Variants in ATRNL1 observed in about 807,000 individuals in gnomAD.
ATRNL1 encodes the protein attractin-like protein 1.
In ATRNL1, 95 loss-of-function variants were observed where a neutral mutation model predicts 182.7. The observed-to-expected ratio is 0.52, with a 90% CI of 0.44 to 0.62. The LOEUF is 0.62. Ranked by LOEUF, ATRNL1 falls within the 20% of genes least tolerant of loss-of-function variation. The probability of loss-of-function intolerance (pLI) is 0.00; values close to 1 mark genes in which losing one functional copy is unlikely to be tolerated. For missense variants in ATRNL1, 1,471 were observed against 1,679.5 expected (o/e 0.88, Z 2.17); for synonymous variants, 576 against 568.3 (o/e 1.01, Z -0.19).
At chr10:115,657,733 T>A (rs1860416794) in intron 26 of ATRNL1, among the ~76,000 whole-genome samples, 1 of 152,086 alleles carries the variant, frequency 6.6e-6, no homozygotes, top group South Asian at 2.1e-4. Context: ...CCCAAGAAAT[T>A]TCCATTACAT....
intron 1 of ATRNL1, among the ~76,000 whole-genome samples, chr10:115,096,228 G>A (rs1301261899): frequency 2.6e-5 from 4 of 152,058 alleles, no homozygotes; most frequent in Non-Finnish European, 4.4e-5. Context: ...TTGGGTAAAT[G>A]CTTTTGCATT....
intron 19 of ATRNL1, among the ~76,000 whole-genome samples, chr10:115,383,518 T>A (rs1021539298): frequency 2.0e-5 from 3 of 151,908 alleles, no homozygotes; most frequent in Non-Finnish European, 4.4e-5. Flanking sequence ...TGCGTTTATG[T>A]TTGTAAGTTT....
At chr10:115,322,521 T>G (rs782350479) in intron 18 of ATRNL1, among the ~76,000 whole-genome samples, 1 of 151,972 alleles carries the variant, frequency 6.6e-6, no homozygotes, top group Non-Finnish European at 1.5e-5. Context: ...TCCTTAAAAA[T>G]ATCAGGTAAT....
intron 27 of ATRNL1, among the ~76,000 whole-genome samples, chr10:115,778,156 T>A (rs1360664154): frequency 1.3e-5 from 2 of 152,172 alleles, no homozygotes; most frequent in Non-Finnish European, 2.9e-5. Context: ...TTTCAAGAGA[T>A]GCTTATTTAT....
chr10:115,937,354 G>A (rs1326257865), intron 28 of ATRNL1, among the ~76,000 whole-genome samples: 5 of 152,206 alleles, frequency 3.3e-5, no homozygotes, highest in African/African-American at 1.2e-4. Flanking sequence ...TAGTAGGTGA[G>A]GGGAAATATC....
chr10:115,263,051 A>G (rs1851457806), intron 10 of ATRNL1, among the ~76,000 whole-genome samples: 1 of 151,836 alleles, frequency 6.6e-6, no homozygotes, highest in Non-Finnish European at 1.5e-5. Flanking sequence ...ATATACCAAC[A>G]TGACTTGTAA....
chr10:115,669,190 TAAACA>T (rs1945614337), intron 26 of ATRNL1, among the ~76,000 whole-genome samples: 1 of 152,146 alleles, frequency 6.6e-6, no homozygotes, highest in Non-Finnish European at 1.5e-5. Flanking sequence ...ACATTTATAC[TAAACA>T]AATTTAACAA....
chr10:115,458,604 TG>T (rs1847641771), intron 21 of ATRNL1, among the ~76,000 whole-genome samples: 1 of 152,084 alleles, frequency 6.6e-6, no homozygotes, highest in Non-Finnish European at 1.5e-5. Flanking sequence ...AGAATGTGGT[TG>T]GGCATATTTG....
At chr10:115,378,826 T>G (rs1472938724) in intron 19 of ATRNL1, among the ~76,000 whole-genome samples, 2 of 152,236 alleles carry the variant, frequency 1.3e-5, no homozygotes, top group African/African-American at 4.8e-5. Flanking sequence ...CTATTAAATT[T>G]CTTTAAGTAT....
chr10:115,745,777 A>G (rs782505558), intron 27 of ATRNL1, among the ~76,000 whole-genome samples: 2 of 152,092 alleles, frequency 1.3e-5, no homozygotes, highest in Non-Finnish European at 2.9e-5. Flanking sequence ...TTAATTTCCA[A>G]CATTGGTGGG....
chr10:115,464,582 T>A (rs1324904168), intron 22 of ATRNL1, among the ~76,000 whole-genome samples: 1 of 151,928 alleles, frequency 6.6e-6, no homozygotes, highest in African/African-American at 2.4e-5. Flanking sequence ...AATTCAGCAT[T>A]GCCTAAACTT....
intron 13 of ATRNL1, among the ~76,000 whole-genome samples, chr10:115,269,347 T>C (rs181194457): frequency 1.3e-5 from 2 of 152,126 alleles, no homozygotes; most frequent in Non-Finnish European, 2.9e-5. Context: ...TTTGTTTTGT[T>C]TTTTTGAGAC....
chr10:115,910,484 C>T (rs545661189), intron 28 of ATRNL1, among the ~76,000 whole-genome samples: 1 of 152,268 alleles, frequency 6.6e-6, no homozygotes, highest in East Asian at 1.9e-4. Flanking sequence ...AGCCACCCCC[C>T]ACCCTCCTTA....
At chr10:115,891,001 G>C (rs905812689) in intron 28 of ATRNL1, among the ~76,000 whole-genome samples, 4 of 152,150 alleles carry the variant, frequency 2.6e-5, no homozygotes, top group African/African-American at 7.2e-5. Context: ...CTCTTGTTTG[G>C]CTGTAAGGGT....
chr10:115,642,135 A>T (rs1859291836), intron 26 of ATRNL1, among the ~76,000 whole-genome samples: 1 of 152,170 alleles, frequency 6.6e-6, no homozygotes, highest in Admixed American at 6.6e-5. Context: ...TTTCAGACTC[A>T]ATGGTGTTAG....
intron 26 of ATRNL1, among the ~76,000 whole-genome samples, chr10:115,621,639 T>A (rs1182753584): frequency 6.6e-6 from 1 of 151,966 alleles, no homozygotes; most frequent in Non-Finnish European, 1.5e-5. Context: ...CTCATCAGTT[T>A]AAAAATGTGT....
At chr10:115,130,910 G>A (rs1288134048) in intron 5 of ATRNL1, among the ~76,000 whole-genome samples, 1 of 152,052 alleles carries the variant, frequency 6.6e-6, no homozygotes, top group African/African-American at 2.4e-5. Flanking sequence ...GAATACATTT[G>A]TATAACATTC....
At chr10:115,308,944 CAT>C (rs1853875858) in intron 17 of ATRNL1, among the ~76,000 whole-genome samples, 1 of 151,906 alleles carries the variant, frequency 6.6e-6, no homozygotes, top group Non-Finnish European at 1.5e-5. Flanking sequence ...TGGTGAGAGA[CAT>C]AGATTCAGTT....
At chr10:115,411,235 T>C (rs1253159480) in intron 20 of ATRNL1, among the ~76,000 whole-genome samples, 2 of 150,262 alleles carry the variant, frequency 1.3e-5, no homozygotes, top group East Asian at 3.9e-4. Flanking sequence ...AATATCTAAG[T>C]GTTCGTATTA....
Sources: allele counts gnomAD v4.1 joint callset (sites outside exome capture counted in the v4.1 genomes callset), GRCh38; gene constraint gnomAD v4.1.1; transcripts MANE v1.5; gene names NCBI Gene and HGNC (gene_info 2026-07-23, HGNC 2026-07-21).